HSPA14: variants seen among roughly 807,000 people sequenced by gnomAD.
The protein encoded by HSPA14 is heat shock 70 kDa protein 14.
HSPA14 carries 37 observed loss-of-function variants against 65.5 expected under a neutral mutation model. That is an observed-to-expected ratio of 0.56 (90% CI 0.43 to 0.74). The LOEUF (loss-of-function observed/expected upper bound fraction) is 0.74, where lower values mean the gene tolerates loss of function less well. Among genes scored for constraint, HSPA14 ranks in the 30% least tolerant of loss-of-function variants. The probability of loss-of-function intolerance (pLI) is 0.00; values close to 1 mark genes in which losing one functional copy is unlikely to be tolerated. For missense variants in HSPA14, 564 were observed against 607.6 expected, an observed-to-expected ratio of 0.93 and a Z score of 0.75; for synonymous variants, 203 against 214.2, an observed-to-expected ratio of 0.95 and a Z score of 0.46.
chr10:14,870,748 T>C lies in HSPA14; in HGVS notation c.1451+81T>C, dbSNP rs1454669969. 7 of 1,257,654 alleles carry C rather than the reference T, an allele frequency of 5.6e-6. No homozygotes were observed. In the Admixed American group the frequency reaches 9.5e-5, roughly 17 times the overall value. 77.9% of individuals were successfully genotyped at this position (1,257,654 alleles called of 1,614,324 possible). ...TTGAGTTTATTGATTTTTTTATTTATTGTCATTCTAGAAGAAACATTAAAA... is the reference window on the plus strand; with the variant it reads ...TTGAGTTTATTGATTTTTTTATTTACTGTCATTCTAGAAGAAACATTAAAA... On this transcript the variant is annotated intron_variant, in intron 13 of 13. Transcript: ENST00000378372.
In HSPA14 at chr10:14,842,116, TC is replaced by T; in HGVS notation, c.221+1963del. 6.6e-7 allele frequency: 1 copy of T among 1,517,320 alleles called. No individual in the cohort carries two copies. Among genetic ancestry groups the T allele is most frequent in the East Asian group, 2.5e-5 (1 of 40,682 alleles). 94.0% of individuals were successfully genotyped at this position (1,517,320 alleles called of 1,614,324 possible). On this transcript the variant is annotated intron_variant, in intron 3 of 13. Coordinates refer to ENST00000378372, the MANE Select transcript of HSPA14 (RefSeq NM_016299.4). This position sits in a 1 kb window ranked among gnomAD's most constrained non-coding sequence, Gnocchi z 5.2. ...CTTACACCCTTCCTGTAACTCTCAT[TC>T]CCCTGTGGCCTTCCAGCCAGAAATG...
chr10:14,843,048 G>C (rs1833995376), intron 3 of HSPA14, among the ~76,000 whole-genome samples: 1 of 152,180 alleles, frequency 6.6e-6, no homozygotes, highest in Admixed American at 6.5e-5. Flanking sequence ...TAAGGTATTA[G>C]AACCCTTTAA....
intron 6 of HSPA14, chr10:14,850,873 G>C (rs1834103515): frequency 5.9e-6 from 1 of 168,966 alleles, no homozygotes; most frequent in African/African-American, 2.4e-5. Context: ...ATGAAGACAG[G>C]ACACCTGTCC....
At chr10:14,854,608 A>G (rs1834132603) in intron 9 of HSPA14, among the ~76,000 whole-genome samples, 1 of 152,250 alleles carries the variant, frequency 6.6e-6, no homozygotes, top group East Asian at 1.9e-4. Flanking sequence ...GCTAATAATA[A>G]TGATACGGCC....
intron 9 of HSPA14, among the ~76,000 whole-genome samples, chr10:14,854,760 T>G (rs1488327390): frequency 6.6e-6 from 1 of 152,218 alleles, no homozygotes; most frequent in Non-Finnish European, 1.5e-5. Flanking sequence ...CTTCTTCACT[T>G]TCCCCGGGCC....
In HSPA14 at chr10:14,842,475, C is replaced by A; in HGVS notation, c.221+2318C>A. 1 of 1,536,146 alleles carries A rather than the reference C, an allele frequency of 6.5e-7. No homozygotes were observed. The highest frequency in any genetic ancestry group is 8.7e-7 in the Non-Finnish European group (1 of 1,146,924). On this transcript the variant is annotated intron_variant, in intron 3 of 13. Transcript: ENST00000378372. This position sits in a 1 kb window ranked among gnomAD's most constrained non-coding sequence, Gnocchi z 5.2. Reference sequence around the variant, plus strand: ...CGCCGCACCGAACGTCAGTGCCGCTCCAAGTTTAAAGTTCTGAAGGCATTA... The same window carrying A: ...CGCCGCACCGAACGTCAGTGCCGCTACAAGTTTAAAGTTCTGAAGGCATTA...
chr10:14,871,597 A>G lies in HSPA14; in HGVS notation c.1521A>G (p.Ile507Met). The change falls in exon 14 of 14, where the codon ATA becomes ATG. Residue 507 changes from isoleucine to methionine, a missense_variant. Ile to Met is a conservative substitution (Grantham distance 10, BLOSUM62 1). Coordinates refer to ENST00000378372, the MANE Select transcript of HSPA14 (RefSeq NM_016299.4). The stretch of plus-strand genomic sequence containing the variant: ...AATGTGAAGCAATCTCTATTGAGAT[A>G]GCATCTTAGTGTTTTAGAGAAATCA... ...TGKCEAISIE[I>M]AS The G allele has an allele frequency of 6.5e-7, 1 of 1,549,994 alleles. No homozygotes were observed. The highest frequency in any genetic ancestry group is 8.9e-7 in the Non-Finnish European group (1 of 1,129,070).
intron 12 of HSPA14, among the ~76,000 whole-genome samples, chr10:14,868,915 C>T (rs1008359578): frequency 3.0e-4 from 46 of 152,222 alleles, no homozygotes; most frequent in Admixed American, 2.2e-3. Flanking sequence ...GGCACGATCT[C>T]GGCTCACTGC....
At chr10:14,846,041 C>A (rs757534642) in intron 3 of HSPA14, 1 of 967,192 alleles carries the variant, frequency 1.0e-6, no homozygotes, top group Non-Finnish European at 1.2e-6. Flanking sequence ...ATACTGGTAA[C>A]AATTTTAAGG....
intron 10 of HSPA14, among the ~76,000 whole-genome samples, chr10:14,857,904 T>G (rs956211227): frequency 7.7e-5 from 11 of 143,100 alleles, no homozygotes; most frequent in South Asian, 4.3e-4. Context: ...ATATATTTTG[T>G]TTTTTTTTTT....
chr10:14,851,248 T>C lies in HSPA14; in HGVS notation c.497T>C (p.Val166Ala). The change falls in exon 7 of 14, where the codon GTT (valine) becomes GCT (alanine). Residue 166 changes from valine (V) to alanine (A), a missense_variant. Transcript: ENST00000378372. ...GCAGCTAGAGCTGCTGGATTTAATG[T>C]TTTGCGATTAATTCACGAACCGTCT... ...GEAARAAGFN[V>A]LRLIHEPSAA... 1 of 1,611,050 alleles carries C rather than the reference T, an allele frequency of 6.2e-7. No homozygotes were observed. The highest frequency in any genetic ancestry group is 8.5e-7 in the Non-Finnish European group (1 of 1,177,816).
At position 14,849,776 on chromosome 10, in the gene HSPA14, G is replaced by T; in HGVS notation, c.432G>T (p.Pro144=). ...SDANDVVITV[P]FDFGEKQKNA... ...CAAATGATGTAGTTATTACTGTCCCGTTTGATTTTGGAGAAAAGCAAAAAA... is the reference window on the plus strand; with the variant it reads ...CAAATGATGTAGTTATTACTGTCCCTTTTGATTTTGGAGAAAAGCAAAAAA... Residue 144 remains proline (P), a synonymous_variant, in exon 6 of 14, where the codon CCG becomes CCT. Transcript: ENST00000378372. 6.2e-7 allele frequency: 1 copy of T among 1,613,356 alleles called. No homozygotes were observed. The highest frequency in any genetic ancestry group is 8.5e-7 in the Non-Finnish European group (1 of 1,179,692).
chr10:14,871,649 CA>C lies in HSPA14; in HGVS notation c.*44del, dbSNP rs754842048. The C allele has an allele frequency of 2.8e-6, 3 of 1,087,460 alleles. No individual in the cohort carries two copies. The African/African-American group carries it at 4.7e-5, about 17-fold the overall frequency. 67.4% of individuals were successfully genotyped at this position (1,087,460 alleles called of 1,614,324 possible). A position where few individuals can be genotyped will look rare whatever the true frequency, so the allele number is the denominator to read the frequency against. On this transcript the variant is annotated 3_prime_UTR_variant, in exon 14 of 14. Coordinates refer to ENST00000378372, the MANE Select transcript of HSPA14 (RefSeq NM_016299.4). ...GAATTTTTAAAAACAAGAATATCAA[CA>C]TTTGGTTTTGTGTATAAGTGGTGTT...
intron 3 of HSPA14, chr10:14,846,643 A>T (rs982519630): frequency 2.1e-6 from 2 of 946,198 alleles, no homozygotes; most frequent in African/African-American, 1.8e-5. Context: ...AAAGTGGGAA[A>T]CTCATAATTG....
chr10:14,849,406 CGTT>C (rs879829450), intron 5 of HSPA14: 3 of 513,456 alleles, frequency 5.8e-6, no homozygotes, highest in Admixed American at 4.6e-5. Context: ...AACATTATGA[CGTT>C]GTGTCTTCAC....
At chr10:14,855,010 A>C (rs1238082250) in intron 9 of HSPA14, among the ~76,000 whole-genome samples, 1 of 152,218 alleles carries the variant, frequency 6.6e-6, no homozygotes, top group Admixed American at 6.5e-5. Context: ...AAGGCATTGC[A>C]TTGAATTAGA....
intron 10 of HSPA14, among the ~76,000 whole-genome samples, chr10:14,862,356 A>C (rs1380867681): frequency 6.8e-6 from 1 of 147,776 alleles, no homozygotes; most frequent in African/African-American, 2.5e-5. Context: ...TCATATTGAG[A>C]AAGCTCTTTC....
chr10:14,847,734 A>G (rs1834071938), intron 3 of HSPA14, among the ~76,000 whole-genome samples: 1 of 152,244 alleles, frequency 6.6e-6, no homozygotes, highest in Admixed American at 6.5e-5. Flanking sequence ...CAAATAGAAT[A>G]GTCACAGCTC....
In HSPA14 at chr10:14,865,208, G is replaced by C. The variant is rs558343584; in HGVS notation, c.994-1875G>C. Among the ~76,000 whole-genome samples, 5 of 152,302 alleles carry C rather than the reference G, an allele frequency of 3.3e-5. No homozygotes were observed. The South Asian group carries it at 1.0e-3, about 32-fold the overall frequency. On this transcript the variant is annotated intron_variant, in intron 10 of 13. Coordinates refer to ENST00000378372, the MANE Select transcript of HSPA14 (RefSeq NM_016299.4). ...TGTAAATTTGTTTGAGTTCTTTGTA[G>C]ATTGTGGATATTAGCCCTTTGTCAG...
Sources: allele counts gnomAD v4.1 joint callset (sites outside exome capture counted in the v4.1 genomes callset), GRCh38; gene constraint gnomAD v4.1.1; non-coding constraint Gnocchi (gnomAD v3.1); transcripts MANE v1.5; gene names NCBI Gene and HGNC (gene_info 2026-07-23, HGNC 2026-07-21).